Variants in COMMD1 observed in about 807,000 individuals in gnomAD.
COMMD1 encodes copper metabolism domain containing 1.
In COMMD1, 10 loss-of-function variants were observed where a neutral mutation model predicts 17.2. The ratio of observed to expected loss-of-function variants is 0.58; its 90% CI spans 0.36 to 0.99. COMMD1 has a LOEUF of 0.99. Among genes scored for constraint, COMMD1 ranks in the 50% least tolerant of loss-of-function variants. The pLI, the probability that COMMD1 is intolerant of heterozygous loss-of-function variation, is 0.01. For missense variants in COMMD1, 270 were observed against 231.8 expected (o/e 1.17, Z -1.07); for synonymous variants, 97 against 91.6 (o/e 1.06, Z -0.34).
chr2:62,013,197 A>G (rs532048653), intron 2 of COMMD1, among the ~76,000 whole-genome samples: 25 of 152,284 alleles, frequency 1.6e-4, no homozygotes, highest in African/African-American at 6.0e-4. Context: ...CTGCACATTA[A>G]AAGCAATTCT....
chr2:61,922,231 T>G (rs1558522515), intron 1 of COMMD1, among the ~76,000 whole-genome samples: 1 of 152,238 alleles, frequency 6.6e-6, no homozygotes, highest in African/African-American at 2.4e-5. Context: ...TCTAAAGATT[T>G]ACGCTAAAAG....
At chr2:61,971,693 G>A (rs1043772311) in intron 1 of COMMD1, among the ~76,000 whole-genome samples, 1 of 151,958 alleles carries the variant, frequency 6.6e-6, no homozygotes, top group African/African-American at 2.4e-5. Flanking sequence ...CAAAGTGCTG[G>A]GATTACAGGC....
At chr2:61,918,953 A>G (rs1433662328) in intron 1 of COMMD1, among the ~76,000 whole-genome samples, 2 of 152,182 alleles carry the variant, frequency 1.3e-5, no homozygotes, top group Non-Finnish European at 2.9e-5. Context: ...AATGTTTAAA[A>G]CAATAATTTT....
intron 2 of COMMD1, among the ~76,000 whole-genome samples, chr2:62,050,592 T>C (rs948125973): frequency 1.3e-5 from 2 of 152,216 alleles, no homozygotes; most frequent in African/African-American, 4.8e-5. Flanking sequence ...ATAATTCTTT[T>C]CAGGAAAGAA....
At chr2:61,988,317 G>A (rs1313894957) in intron 1 of COMMD1, among the ~76,000 whole-genome samples, 1 of 152,180 alleles carries the variant, frequency 6.6e-6, no homozygotes, top group Non-Finnish European at 1.5e-5. Context: ...CCCACAGCAT[G>A]TTCTACCTGG....
At chr2:61,963,669 G>A (rs910564630) in intron 1 of COMMD1, among the ~76,000 whole-genome samples, 6 of 152,090 alleles carry the variant, frequency 3.9e-5, no homozygotes, top group African/African-American at 1.4e-4. Context: ...AAGTGAAGGT[G>A]GCTTGGGAAC....
chr2:62,074,187 C>T (rs1157027667), intron 2 of COMMD1, among the ~76,000 whole-genome samples: 2 of 152,168 alleles, frequency 1.3e-5, no homozygotes, highest in African/African-American at 4.8e-5. Flanking sequence ...CCAGGAAGCT[C>T]CATTGAGACT....
intron 2 of COMMD1, among the ~76,000 whole-genome samples, chr2:62,042,212 T>C (rs1291627764): frequency 6.6e-6 from 1 of 152,122 alleles, no homozygotes; most frequent in Non-Finnish European, 1.5e-5. Flanking sequence ...ACACAAAAGT[T>C]CTCCAAGTCC....
chr2:62,006,199 G>A (rs1669110925), intron 2 of COMMD1, among the ~76,000 whole-genome samples: 1 of 118,684 alleles, frequency 8.4e-6, no homozygotes, highest in Admixed American at 9.4e-5. Flanking sequence ...CTGTTGTGGG[G>A]TGGGGGGAGG....
chr2:61,897,021 G>T (rs550609369), intron 1 of COMMD1, among the ~76,000 whole-genome samples: 1 of 151,784 alleles, frequency 6.6e-6, no homozygotes, highest in Non-Finnish European at 1.5e-5. Flanking sequence ...GTAGAGATGG[G>T]GTTTCACCAT....
intron 2 of COMMD1, among the ~76,000 whole-genome samples, chr2:62,048,639 T>A (rs1281138823): frequency 6.6e-6 from 1 of 152,162 alleles, no homozygotes; most frequent in Non-Finnish European, 1.5e-5. Context: ...GTAAAGTTTA[T>A]ACGTGTGTGT....
At position 62,128,252 on chromosome 2, in the gene COMMD1, C is replaced by G. The variant is rs552201172; in HGVS notation, c.463-7579C>G. ...CTAAGGCATGAGAATTGCTTGAACACAGCAGGCAGAGGTTGCTGTGAGCTG... is the reference window on the plus strand; with the variant it reads ...CTAAGGCATGAGAATTGCTTGAACAGAGCAGGCAGAGGTTGCTGTGAGCTG... On this transcript the variant is annotated intron_variant, in intron 2 of 2. Transcript: ENST00000311832. Among the ~76,000 whole-genome samples the G allele has an allele frequency of 5.3e-5, 8 of 151,500 alleles. No homozygotes were observed. In the South Asian group the frequency reaches 1.7e-3, roughly 32 times the overall value.
chr2:62,027,897 C>T (rs1026397908), intron 2 of COMMD1, among the ~76,000 whole-genome samples: 3 of 152,060 alleles, frequency 2.0e-5, no homozygotes, highest in African/African-American at 7.2e-5. Context: ...AAGTGATCTG[C>T]CCACCTTGAC....
chr2:61,922,573 C>T (rs1670227290), intron 1 of COMMD1, among the ~76,000 whole-genome samples: 1 of 152,190 alleles, frequency 6.6e-6, no homozygotes, highest in Admixed American at 6.6e-5. Flanking sequence ...GCCTCGGCCT[C>T]TTAAAGTGCT....
chr2:62,019,127 CCCTCCCTTCCTT>C (rs1669541439), intron 2 of COMMD1, among the ~76,000 whole-genome samples: 1 of 121,528 alleles, frequency 8.2e-6, no homozygotes, highest in African/African-American at 3.7e-5. Context: ...CTCCCTCCCT[CCCTCCCTTCCTT>C]CCTTCCTTCC....
At chr2:61,978,717 A>AG (rs1671870333) in intron 1 of COMMD1, among the ~76,000 whole-genome samples, 1 of 152,116 alleles carries the variant, frequency 6.6e-6, no homozygotes, top group Non-Finnish European at 1.5e-5. Flanking sequence ...TGAGGGGTGA[A>AG]GGACAGAGTT....
chr2:62,020,096 G>T (rs1573078902), intron 2 of COMMD1, among the ~76,000 whole-genome samples: 1 of 152,310 alleles, frequency 6.6e-6, no homozygotes, highest in East Asian at 1.9e-4. Context: ...TCAGATGTAT[G>T]TAGTTTCTTC....
intron 1 of COMMD1, among the ~76,000 whole-genome samples, chr2:61,916,458 G>T (rs1230429407): frequency 6.6e-6 from 1 of 152,100 alleles, no homozygotes; most frequent in Non-Finnish European, 1.5e-5. Context: ...GTCAAGCTCT[G>T]TTGACCAGGC....
At chr2:61,950,024 A>T (rs1459540870) in intron 1 of COMMD1, among the ~76,000 whole-genome samples, 1 of 152,234 alleles carries the variant, frequency 6.6e-6, no homozygotes, top group African/African-American at 2.4e-5. Flanking sequence ...GAAGGAAAGG[A>T]TCTATTATAA....
Sources: allele counts gnomAD v4.1 joint callset (sites outside exome capture counted in the v4.1 genomes callset), GRCh38; gene constraint gnomAD v4.1.1; transcripts MANE v1.5; gene names NCBI Gene and HGNC (gene_info 2026-07-23, HGNC 2026-07-21).